LPAR6: variants seen among roughly 807,000 people sequenced by gnomAD.
LPAR6 encodes the protein lysophosphatidic acid receptor 6, also known as G-protein coupled purinergic receptor P2Y5.
LPAR6 carries 17 observed loss-of-function variants against 22.0 expected under a neutral mutation model. The ratio of observed to expected loss-of-function variants is 0.77; its 90% CI spans 0.53 to 1.16. LPAR6 has a LOEUF of 1.16. Among genes scored for constraint, LPAR6 ranks in the 50% most tolerant of loss-of-function variants. The pLI is 0.00. For missense variants in LPAR6, 384 were observed against 406.9 expected, an observed-to-expected ratio of 0.94 and a Z score of 0.48; for synonymous variants, 136 against 139.8, an observed-to-expected ratio of 0.97 and a Z score of 0.19.
intron 1 of LPAR6, among the ~76,000 whole-genome samples, chr13:48,395,412 G>C (rs148558699): frequency 0.02 from 3,053 of 152,144 alleles, 30 homozygotes; most frequent in Middle Eastern, 0.052. Flanking sequence ...TTCAGAAGGT[G>C]GGTAATAACA....
intron 1 of LPAR6, among the ~76,000 whole-genome samples, chr13:48,393,101 A>C (rs1292462589): frequency 6.6e-6 from 1 of 152,198 alleles, no homozygotes; most frequent in Non-Finnish European, 1.5e-5. Context: ...AGTTGAAAGC[A>C]GAACTCTTCC....
At chr13:48,442,655 C>T (rs1184045595) in intron 1 of LPAR6, among the ~76,000 whole-genome samples, 1 of 152,128 alleles carries the variant, frequency 6.6e-6, no homozygotes, top group African/African-American at 2.4e-5. Context: ...GTTAACACCT[C>T]ATTCAGATAA....
At chr13:48,435,148 G>A (rs999775144) in intron 1 of LPAR6, among the ~76,000 whole-genome samples, 2 of 152,148 alleles carry the variant, frequency 1.3e-5, no homozygotes, top group Non-Finnish European at 2.9e-5. Context: ...GTATTTTCCA[G>A]AGTGGTTGAA....
At chr13:48,424,823 C>G (rs1408772694) in intron 1 of LPAR6, among the ~76,000 whole-genome samples, 1 of 152,038 alleles carries the variant, frequency 6.6e-6, no homozygotes, top group Non-Finnish European at 1.5e-5. Context: ...GAGGCCAAGG[C>G]GGGCAGACCT....
At chr13:48,434,378 A>G (rs1365799243) in intron 1 of LPAR6, among the ~76,000 whole-genome samples, 1 of 152,172 alleles carries the variant, frequency 6.6e-6, no homozygotes, top group African/African-American at 2.4e-5. Context: ...TAACAGATAG[A>G]TTATTTCAAT....
upstream of LPAR6, chr13:48,416,612 T>A (rs1425713702): frequency 6.6e-6 from 1 of 152,338 alleles, no homozygotes; most frequent in Non-Finnish European, 1.5e-5. Flanking sequence ...GAACAGGGGC[T>A]GAAGCCAGGG....
At chr13:48,430,315 A>T (rs1949115998), upstream of LPAR6, among the ~76,000 whole-genome samples, 1 of 152,248 alleles carries the variant, frequency 6.6e-6, no homozygotes, top group Admixed American at 6.5e-5. Flanking sequence ...GCAATTTGAA[A>T]AAAAGAGGTA....
chr13:48,442,816 T>C (rs571467952), intron 1 of LPAR6, among the ~76,000 whole-genome samples: 1 of 152,298 alleles, frequency 6.6e-6, no homozygotes, highest in Non-Finnish European at 1.5e-5. Context: ...TTAAACAATA[T>C]TTTAAAATTA....
rs755959182 is a variant in LPAR6, at chr13:48,412,620, G to T, written c.-197C>A. On this transcript the variant is annotated 5_prime_UTR_variant, in exon 1 of 1. Coordinates refer to ENST00000620633, the MANE Select transcript of LPAR6 (RefSeq NM_001162498.3). ...TTTGTTGCTGTAAAATTTCCGCTGG[G>T]TTCTTCAACAGGAAAATATTTTCAT... is the stretch of plus-strand genomic sequence containing the variant. 1 of 606,750 alleles carries T rather than the reference G, an allele frequency of 1.6e-6. No individual in the cohort carries two copies. Among genetic ancestry groups the T allele is most frequent in the Non-Finnish European group, 3.0e-6 (1 of 333,444 alleles). 37.6% of individuals were successfully genotyped at this position (606,750 alleles called of 1,614,324 possible). A position where few individuals can be genotyped will look rare whatever the true frequency, so the allele number is the denominator to read the frequency against.
downstream of LPAR6, among the ~76,000 whole-genome samples, chr13:48,409,931 T>A (rs1249726797): frequency 6.6e-6 from 1 of 152,170 alleles, no homozygotes; most frequent in Admixed American, 6.5e-5. Context: ...TTTAGTGTAC[T>A]TGGTACTTTT....
chr13:48,430,021 G>A (rs1184659466), upstream of LPAR6, among the ~76,000 whole-genome samples: 1 of 152,090 alleles, frequency 6.6e-6, no homozygotes, highest in Non-Finnish European at 1.5e-5. Context: ...GTTTTTACAA[G>A]TTTGTTCACC....
downstream of LPAR6, chr13:48,406,777 G>C (rs1948743766): frequency 6.6e-6 from 1 of 152,236 alleles, no homozygotes; most frequent in African/African-American, 2.4e-5. Context: ...GGTTCAGCCA[G>C]GTGCAGTGGC....
Position 48,411,331 on chromosome 13 carries a change from C to A in LPAR6, c.*58G>T. 2.2e-6 allele frequency: 3 copies of A among 1,384,960 alleles called. No homozygotes were observed. The highest frequency in any genetic ancestry group is 1.0e-6 in the Non-Finnish European group (1 of 978,026). 85.8% of individuals were successfully genotyped at this position (1,384,960 alleles called of 1,614,324 possible). On this transcript the variant is annotated 3_prime_UTR_variant, in exon 1 of 1. Transcript: ENST00000620633. The stretch of plus-strand genomic sequence containing the variant: ...GAAAAATAGTTTGTCCAAAAAGACA[C>A]TTTTCACAGTTGAAGGAACTTGAAA...
At chr13:48,440,620 T>C (rs1281774542) in intron 1 of LPAR6, among the ~76,000 whole-genome samples, 5 of 152,178 alleles carry the variant, frequency 3.3e-5, no homozygotes, top group Non-Finnish European at 7.4e-5. Flanking sequence ...GAATTTATGA[T>C]CAAGGGCTAG....
intron 1 of LPAR6, among the ~76,000 whole-genome samples, chr13:48,391,910 G>C (rs1255037860): frequency 6.6e-6 from 1 of 151,850 alleles, no homozygotes. Flanking sequence ...ATGAGCCACC[G>C]CACCCAGCCA....
upstream of LPAR6, chr13:48,413,169 G>A (rs2138207641): frequency 6.0e-6 from 1 of 167,230 alleles, no homozygotes; most frequent in East Asian, 1.9e-4. Context: ...GGAAGAAGAG[G>A]CTGGGTTTGG....
chr13:48,444,345 C>T (rs547577314), intron 1 of LPAR6, among the ~76,000 whole-genome samples: 4 of 152,192 alleles, frequency 2.6e-5, no homozygotes, highest in East Asian at 1.9e-4. Flanking sequence ...GGCAAAACCC[C>T]GTCTCTACTA....
At chr13:48,433,896 T>C (rs1371870744) in intron 1 of LPAR6, among the ~76,000 whole-genome samples, 1 of 151,872 alleles carries the variant, frequency 6.6e-6, no homozygotes, top group Non-Finnish European at 1.5e-5. Flanking sequence ...TATATACATA[T>C]ATACTTTTTT....
At chr13:48,416,991 G>T (rs1307705621), upstream of LPAR6, among the ~76,000 whole-genome samples, 2 of 152,198 alleles carry the variant, frequency 1.3e-5, no homozygotes, top group Non-Finnish European at 2.9e-5. Context: ...GGTGGCTATT[G>T]GTGCAGCTTC....
Sources: gnomAD v4.1 joint callset for allele counts (sites outside exome capture counted in the v4.1 genomes callset) on GRCh38, gnomAD v4.1.1 for gene constraint, MANE v1.5 for transcripts, NCBI Gene and HGNC (gene_info 2026-07-23, HGNC 2026-07-21) for gene names.